The following EXOC2 variants were observed in gnomAD, a reference collection of about 807,000 sequenced individuals.
EXOC2 encodes SEC5-like 1.
In EXOC2, 70 loss-of-function variants were observed where a neutral mutation model predicts 131.8. The observed-to-expected ratio is 0.53, with a 90% confidence interval of 0.44 to 0.65. The LOEUF is 0.65. Among genes scored for constraint, EXOC2 ranks in the 30% least tolerant of loss-of-function variants. EXOC2 has a pLI of 0.00. For synonymous variants in EXOC2, 411 were observed against 398.4 expected (o/e 1.03, Z -0.38); for missense variants, 923 against 1,108.6 (o/e 0.83, Z 2.38).
rs1048821721 is a variant in EXOC2, at chr6:576,835, G to A, written c.1240C>T (p.Arg414Cys). Residue 414 changes from arginine to cysteine, a missense_variant, in exon 12 of 28, where the codon CGT (arginine) becomes TGT (cysteine). By Grantham distance (180) the Arg-to-Cys change is radical. Transcript: ENST00000230449. ...SPMLDLDNDT[R>C]PSVLGHLSQT... is the part of the protein sequence containing the mutation. ...CTGAGATGGCCCAACACTGAGGGAC[G>A]TGTATCATTATCAAGATCCAACATG... 7 of 1,613,928 alleles carry A rather than the reference G, an allele frequency of 4.3e-6. No individual in the cohort carries two copies. Among genetic ancestry groups the A allele is most frequent in the Admixed American group, 1.7e-5 (1 of 59,994 alleles).
chr6:636,158 A>G (rs1762091413), intron 2 of EXOC2, among the ~76,000 whole-genome samples: 1 of 152,084 alleles, frequency 6.6e-6, no homozygotes, highest in South Asian at 2.1e-4. Context: ...AAATTTACCT[A>G]GACTATTGTC....
chr6:522,763 G>C (rs1007599827), intron 23 of EXOC2, among the ~76,000 whole-genome samples: 20 of 152,262 alleles, frequency 1.3e-4, no homozygotes, highest in Non-Finnish European at 2.8e-4. Context: ...GGTCTGAGGG[G>C]ATGAAAGGAA....
intron 1 of EXOC2, among the ~76,000 whole-genome samples, chr6:689,821 A>C (rs1764833724): frequency 6.6e-6 from 1 of 152,230 alleles, no homozygotes; most frequent in Admixed American, 6.5e-5. Flanking sequence ...CCCTAACACA[A>C]CACAAGTGCT....
rs58892194 is a variant in EXOC2, at chr6:685,869, C to CTTTTTTTTTTTTTTT, written c.-44+7135_-44+7149dup. Among the ~76,000 whole-genome samples, 222 of 98,258 alleles carry CTTTTTTTTTTTTTTT rather than the reference C, an allele frequency of 2.3e-3. 9 individuals carry two copies. Among genetic ancestry groups the CTTTTTTTTTTTTTTT allele is most frequent in the Non-Finnish European group, 3.0e-3 (147 of 48,716 alleles). The allele number at this position is 98,258 out of a possible 152,430, so 64.5% of individuals were successfully genotyped here. A position where few individuals can be genotyped will look rare whatever the true frequency, so the allele number is the denominator to read the frequency against. ...TAATGTATCCTGCTTTCCTGGACCT[C>CTTTTTTTTTTTTTTT]TTTTTTTTTTTTTTTTTTTTTTTTG... On this transcript the variant is annotated intron_variant, in intron 1 of 27. Transcript: ENST00000230449.
chr6:610,261 T>G, intron 6 of EXOC2, 83 bp from the exon 7 acceptor site: 1 of 1,194,270 alleles, frequency 8.4e-7, no homozygotes, highest in Non-Finnish European at 1.2e-6. Flanking sequence ...TTAAACAGCT[T>G]TTTAAAATGG....
intron 7 of EXOC2, among the ~76,000 whole-genome samples, chr6:603,607 C>A (rs1343042812): frequency 6.6e-6 from 1 of 151,890 alleles, no homozygotes; most frequent in Non-Finnish European, 1.5e-5. Context: ...TTTTTTCTAT[C>A]TTCTTCTTTT....
chr6:489,441 G>A (rs1387272838), intron 26 of EXOC2, among the ~76,000 whole-genome samples: 2 of 152,178 alleles, frequency 1.3e-5, no homozygotes, highest in Non-Finnish European at 2.9e-5. Context: ...ACAGTGGGGT[G>A]TTTACAGTAT....
At chr6:516,576 C>G (rs1248479171) in intron 23 of EXOC2, among the ~76,000 whole-genome samples, 2 of 152,196 alleles carry the variant, frequency 1.3e-5, no homozygotes, top group Non-Finnish European at 2.9e-5. Flanking sequence ...AGTCTTCTGA[C>G]TAAACTGTTT....
intron 6 of EXOC2, among the ~76,000 whole-genome samples, chr6:616,326 G>A (rs897645987): frequency 5.3e-5 from 8 of 152,280 alleles, no homozygotes; most frequent in African/African-American, 9.6e-5. Context: ...AACTTCTGCC[G>A]GGCGCGGTGG....
intron 11 of EXOC2, among the ~76,000 whole-genome samples, chr6:585,155 G>A (rs898602920): frequency 6.6e-6 from 1 of 152,212 alleles, no homozygotes; most frequent in African/African-American, 2.4e-5. Flanking sequence ...TGGTTAACCT[G>A]TTCAGGCTGG....
chr6:590,379 T>C (rs1476955552), intron 11 of EXOC2, among the ~76,000 whole-genome samples: 1 of 152,070 alleles, frequency 6.6e-6, no homozygotes, highest in Non-Finnish European at 1.5e-5. Context: ...ATACCAAGCA[T>C]AGAAAAAAAT....
chr6:626,250 A>T (rs1037037305), intron 4 of EXOC2, among the ~76,000 whole-genome samples: 2 of 152,228 alleles, frequency 1.3e-5, no homozygotes, highest in Admixed American at 1.3e-4. Context: ...TTAAAAATTT[A>T]GGAATATGAA....
At chr6:499,805 C>G in intron 23 of EXOC2, 105 bp from the exon 24 acceptor site, 2 of 793,164 alleles carry the variant, frequency 2.5e-6, no homozygotes, top group East Asian at 2.5e-5. Context: ...TGAGGAGAAA[C>G]AGAAAGTAAC....
intron 23 of EXOC2, among the ~76,000 whole-genome samples, chr6:514,443 TCAAGAGTAGAAAACAGGAAA>T (rs1289040280): frequency 3.9e-5 from 6 of 152,208 alleles, no homozygotes; most frequent in African/African-American, 1.4e-4. Flanking sequence ...ATTTATGACC[TCAAGAGTAGAAAACAGGAAA>T]CATAGAGAGA....
rs564258025 is a variant in EXOC2 at position 626,398 on chromosome 6, G to A, written c.422+3437C>T. On this transcript the variant is annotated intron_variant, in intron 4 of 27. Transcript: ENST00000230449. ...CACCCCAAAGAGCCACAAGGCAACC[G>A]TACTGTGTTACTCTCACTGGCTTTG... Among the ~76,000 whole-genome samples, 25 of 152,250 alleles carry A rather than the reference G, an allele frequency of 1.6e-4. No individual in the cohort carries two copies. In the East Asian group the frequency reaches 4.2e-3, roughly 26 times the overall value.
At chr6:567,589 T>C (rs1164514730) in intron 13 of EXOC2, among the ~76,000 whole-genome samples, 3 of 152,238 alleles carry the variant, frequency 2.0e-5, no homozygotes, top group African/African-American at 7.2e-5. Flanking sequence ...TATGTCTACA[T>C]ACTGAGTACA....
intron 4 of EXOC2, among the ~76,000 whole-genome samples, chr6:627,835 T>A (rs1011341042): frequency 3.3e-5 from 5 of 152,234 alleles, no homozygotes; most frequent in African/African-American, 1.2e-4. Context: ...CTTTATCCCA[T>A]GGCTGAGCAA....
chr6:679,326 G>C (rs1461638790), intron 1 of EXOC2: 1 of 152,082 alleles, frequency 6.6e-6, no homozygotes, highest in Non-Finnish European at 1.5e-5. Context: ...TCACAAGAGA[G>C]GAGATGCAAC....
At chr6:660,183 C>T (rs916133851) in intron 1 of EXOC2, among the ~76,000 whole-genome samples, 1 of 150,946 alleles carries the variant, frequency 6.6e-6, no homozygotes, top group African/African-American at 2.4e-5. Context: ...CCCATCCCCC[C>T]CAACCCGATG....
Sources: gnomAD v4.1 joint callset for allele counts (sites outside exome capture counted in the v4.1 genomes callset) on GRCh38, gnomAD v4.1.1 for gene constraint, MANE v1.5 for transcripts, NCBI Gene and HGNC (gene_info 2026-07-23, HGNC 2026-07-21) for gene names.